The following MBD5 variants were observed in gnomAD, a reference collection of about 807,000 sequenced individuals.
MBD5 encodes methyl-CpG-binding domain protein 5.
A neutral mutation model predicts 117.3 loss-of-function variants in MBD5; 13 were observed. The observed-to-expected ratio is 0.11, with a 90% CI of 0.07 to 0.18. MBD5 has a LOEUF of 0.18. Among genes scored for constraint, MBD5 ranks in the 10% least tolerant of loss-of-function variants. The pLI is 1.00. For missense variants in MBD5, 1,879 were observed against 2,093.8 expected (o/e 0.90, Z 2.00); for synonymous variants, 727 against 766.4 (o/e 0.95, Z 0.85).
rs771093661 is a variant in MBD5 at position 148,489,805 on chromosome 2, G to A, written c.4173G>A (p.Leu1391=). 1.2e-6 allele frequency: 2 copies of A among 1,614,104 alleles called. No individual in the cohort carries two copies. Among genetic ancestry groups the A allele is most frequent in the Non-Finnish European group, 1.7e-6 (2 of 1,180,024 alleles). ...NMGGVDHDGR[L]RNSRGARLPK... is the part of the protein sequence containing the mutation. ...GAGGTGTTGATCATGATGGTAGGCT[G>A]AGGAATTCAAGAGGGGCTCGGCTGC... The change falls in exon 11 of 14, where the codon CTG becomes CTA. Residue 1391 remains leucine (L), a synonymous_variant. Coordinates refer to ENST00000642680, the MANE Select transcript of MBD5 (RefSeq NM_001378120.1).
At chr2:148,362,362 G>A (rs1269487729) in intron 4 of MBD5, among the ~76,000 whole-genome samples, 2 of 152,160 alleles carry the variant, frequency 1.3e-5, no homozygotes, top group African/African-American at 2.4e-5. Context: ...TGTAAACAAG[G>A]CCATCAGGAA....
At position 148,468,904 on chromosome 2, in the gene MBD5, A is replaced by C; in HGVS notation, c.961A>C (p.Met321Leu). The C allele has an allele frequency of 6.2e-7, 1 of 1,613,894 alleles. No individual in the cohort carries two copies. The highest frequency in any genetic ancestry group is 1.3e-5 in the African/African-American group (1 of 75,024). Residue 321 changes from methionine to leucine, a missense_variant, in exon 8 of 14, where the codon ATG becomes CTG. Around this residue, in one of 4 missense-constraint regions of MBD5, gnomAD observed 1,666 missense variants for 1,792.2 expected, o/e 0.93. Transcript: ENST00000642680. ...KKPMCNFSTN[M>L]EIPRAMFHHK... ...ACCAATGTGTAATTTTTCAACTAAT[A>C]TGGAAATACCACGAGCAATGTTCCA...
intron 4 of MBD5, among the ~76,000 whole-genome samples, chr2:148,347,829 G>A (rs1417621119): frequency 6.6e-6 from 1 of 151,732 alleles, no homozygotes; most frequent in African/African-American, 2.4e-5. Flanking sequence ...ATGCTGAAAG[G>A]GGCCCATGAT....
At chr2:148,154,581 G>C (rs578025960) in intron 1 of MBD5, among the ~76,000 whole-genome samples, 7 of 152,304 alleles carry the variant, frequency 4.6e-5, no homozygotes, top group African/African-American at 9.6e-5. Flanking sequence ...ATCAATCAGC[G>C]AGACTCCCTG....
chr2:148,425,777 G>T (rs1014737035), intron 4 of MBD5, among the ~76,000 whole-genome samples: 1 of 152,138 alleles, frequency 6.6e-6, no homozygotes. Context: ...CAGAATAAAT[G>T]ACAAAATCCA....
chr2:148,487,154 A>C (rs1190717817), intron 10 of MBD5, among the ~76,000 whole-genome samples: 1 of 152,196 alleles, frequency 6.6e-6, no homozygotes, highest in Non-Finnish European at 1.5e-5. Context: ...AGACTGCAAG[A>C]CTCCAGTGCT....
intron 4 of MBD5, among the ~76,000 whole-genome samples, chr2:148,400,837 A>G (rs1045977958): frequency 1.3e-5 from 2 of 152,034 alleles, no homozygotes; most frequent in Non-Finnish European, 2.9e-5. Flanking sequence ...TTACCCTTTT[A>G]TGGATATTTG....
intron 12 of MBD5, among the ~76,000 whole-genome samples, chr2:148,504,111 A>G (rs1681954172): frequency 6.6e-6 from 1 of 152,254 alleles, no homozygotes; most frequent in African/African-American, 2.4e-5. Context: ...TACAATTTTA[A>G]AAATGTTTCT....
intron 4 of MBD5, among the ~76,000 whole-genome samples, chr2:148,374,099 G>T (rs1322735600): frequency 1.3e-5 from 2 of 151,922 alleles, no homozygotes; most frequent in Non-Finnish European, 2.9e-5. Flanking sequence ...CGGATAAGGG[G>T]TACTCAACCT....
intron 4 of MBD5, among the ~76,000 whole-genome samples, chr2:148,446,061 A>T (rs1451911253): frequency 9.3e-5 from 14 of 150,002 alleles, no homozygotes; most frequent in Non-Finnish European, 1.8e-4. Flanking sequence ...GGTTGCAAAA[A>T]TTTTCTCCCA....
intron 1 of MBD5, among the ~76,000 whole-genome samples, chr2:148,174,812 G>A (rs749648255): frequency 3.3e-5 from 5 of 151,740 alleles, no homozygotes; most frequent in Non-Finnish European, 7.4e-5. Flanking sequence ...GATAACAAAT[G>A]TTGATGACGA....
intron 1 of MBD5, among the ~76,000 whole-genome samples, chr2:148,139,015 G>A (rs920428930): frequency 3.3e-5 from 5 of 152,128 alleles, no homozygotes; most frequent in African/African-American, 4.8e-5. Flanking sequence ...TCTTTGTGAC[G>A]TTACTAATGT....
At chr2:148,059,175 CTATT>C (rs1294444557) in intron 1 of MBD5, among the ~76,000 whole-genome samples, 2 of 152,032 alleles carry the variant, frequency 1.3e-5, no homozygotes, top group East Asian at 1.9e-4. Flanking sequence ...AGTCATGTAT[CTATT>C]TCTGTAATTT....
At chr2:148,376,643 A>T (rs1703995594) in intron 4 of MBD5, among the ~76,000 whole-genome samples, 1 of 147,426 alleles carries the variant, frequency 6.8e-6, no homozygotes, top group Non-Finnish European at 1.5e-5. Flanking sequence ...ACATTGACAG[A>T]TACTAGATTA....
At chr2:148,269,444 A>T (rs1700932420) in intron 3 of MBD5, among the ~76,000 whole-genome samples, 1 of 151,780 alleles carries the variant, frequency 6.6e-6, no homozygotes, top group African/African-American at 2.4e-5. Flanking sequence ...AAGTCCTTGT[A>T]TTTCTAGAAA....
intron 1 of MBD5, among the ~76,000 whole-genome samples, chr2:148,154,979 T>C (rs114349610): frequency 0.012 from 1,873 of 152,312 alleles, 45 homozygotes; most frequent in African/African-American, 0.043. Context: ...TATTGAGTTC[T>C]TATGAGGTTC....
intron 8 of MBD5, among the ~76,000 whole-genome samples, chr2:148,475,477 A>C (rs1175602512): frequency 6.6e-6 from 1 of 152,144 alleles, no homozygotes; most frequent in Non-Finnish European, 1.5e-5. Flanking sequence ...AAGGAGTTAA[A>C]ATATGTTCAG....
chr2:148,301,642 CT>C (rs1173448140), intron 3 of MBD5, among the ~76,000 whole-genome samples: 1 of 152,150 alleles, frequency 6.6e-6, no homozygotes, highest in Admixed American at 6.6e-5. Flanking sequence ...AATTACGTCC[CT>C]TTTCCCCTGA....
At chr2:148,221,351 T>A (rs1699681172) in intron 2 of MBD5, among the ~76,000 whole-genome samples, 1 of 152,152 alleles carries the variant, frequency 6.6e-6, no homozygotes, top group Admixed American at 6.5e-5. Context: ...CAGACTGTTC[T>A]CCATAGTGCT....
Sources: gnomAD v4.1 joint callset for allele counts (sites outside exome capture counted in the v4.1 genomes callset) on GRCh38, gnomAD v4.1.1 for gene constraint, gnomAD v4.1.1 regional missense constraint, MANE v1.5 for transcripts, NCBI Gene and HGNC (gene_info 2026-07-23, HGNC 2026-07-21) for gene names.